CNTNAP2: variants seen among roughly 807,000 people sequenced by gnomAD.
The protein encoded by CNTNAP2 is contactin associated protein 2, also known as contactin-associated protein-like 2.
CNTNAP2 carries 98 observed loss-of-function variants against 155.2 expected under a neutral mutation model. The ratio of observed to expected loss-of-function variants is 0.63; its 90% confidence interval spans 0.54 to 0.75. The LOEUF (loss-of-function observed/expected upper bound fraction) is 0.75, where lower values mean the gene tolerates loss of function less well. Among genes scored for constraint, CNTNAP2 ranks in the 30% least tolerant of loss-of-function variants. The probability of loss-of-function intolerance (pLI) is 0.00; values close to 1 mark genes in which losing one functional copy is unlikely to be tolerated. For missense variants in CNTNAP2, 1,727 were observed against 1,688.1 expected, an observed-to-expected ratio of 1.02 and a Z score of -0.40; for synonymous variants, 651 against 631.2, an observed-to-expected ratio of 1.03 and a Z score of -0.47.
At chr7:146,908,931 G>T (rs938374141) in intron 3 of CNTNAP2, among the ~76,000 whole-genome samples, 2 of 148,666 alleles carry the variant, frequency 1.3e-5, no homozygotes, top group African/African-American at 5.0e-5. Flanking sequence ...AAAAAAGAGA[G>T]AAGAATCAAA....
intron 1 of CNTNAP2, among the ~76,000 whole-genome samples, chr7:146,735,723 A>ATATATACATATGCATATATAT (rs1563209930): frequency 2.0e-5 from 3 of 152,158 alleles, no homozygotes; most frequent in African/African-American, 7.2e-5. Context: ...ATATATGTGT[A>ATATATACATATGCATATATAT]GAGAATAGAA....
chr7:148,262,206 T>A (rs2116832880), intron 20 of CNTNAP2, among the ~76,000 whole-genome samples: 1 of 152,190 alleles, frequency 6.6e-6, no homozygotes, highest in East Asian at 1.9e-4. Context: ...CAGGGCTAAT[T>A]CAGTTATTGG....
chr7:146,881,091 C>G (rs534852338), intron 3 of CNTNAP2, among the ~76,000 whole-genome samples: 4 of 152,058 alleles, frequency 2.6e-5, no homozygotes, highest in African/African-American at 9.7e-5. Context: ...TTTTAAAAAT[C>G]CTTCCAGAAT....
At chr7:146,148,969 G>A (rs1466730208) in intron 1 of CNTNAP2, among the ~76,000 whole-genome samples, 2 of 151,146 alleles carry the variant, frequency 1.3e-5, no homozygotes, top group Non-Finnish European at 2.9e-5. Flanking sequence ...CTCCACTGGG[G>A]GAATTGAACA....
chr7:146,770,030 G>T (rs1247009819), intron 1 of CNTNAP2, among the ~76,000 whole-genome samples: 2 of 151,682 alleles, frequency 1.3e-5, no homozygotes, highest in Non-Finnish European at 2.9e-5. Flanking sequence ...ACATATTCAG[G>T]GTCACACGTT....
chr7:147,802,872 G>A (rs1304964199), intron 13 of CNTNAP2, among the ~76,000 whole-genome samples: 1 of 151,626 alleles, frequency 6.6e-6, no homozygotes, highest in Non-Finnish European at 1.5e-5. Flanking sequence ...AAGGTAACGT[G>A]TAGGTTAATT....
chr7:146,189,848 T>TA (rs1798676610), intron 1 of CNTNAP2, among the ~76,000 whole-genome samples: 1 of 152,194 alleles, frequency 6.6e-6, no homozygotes, highest in Non-Finnish European at 1.5e-5. Flanking sequence ...GAAAGTAACT[T>TA]ACAGCTGTTT....
intron 1 of CNTNAP2, among the ~76,000 whole-genome samples, chr7:146,439,783 C>T (rs190650627): frequency 6.6e-6 from 1 of 151,400 alleles, no homozygotes; most frequent in African/African-American, 2.5e-5. Flanking sequence ...ACATTGTATG[C>T]AAAATTAGCA....
At chr7:147,904,971 C>T (rs1010182682) in intron 14 of CNTNAP2, among the ~76,000 whole-genome samples, 19 of 151,960 alleles carry the variant, frequency 1.3e-4, no homozygotes, top group African/African-American at 4.1e-4. Context: ...GTTAAAAGGG[C>T]ATGGTCTTTG....
intron 12 of CNTNAP2, among the ~76,000 whole-genome samples, chr7:147,596,929 A>G (rs922383644): frequency 6.6e-6 from 1 of 152,164 alleles, no homozygotes; most frequent in Non-Finnish European, 1.5e-5. Context: ...AGTCATGACA[A>G]TTTACAAATG....
chr7:148,093,036 A>G (rs963867427), intron 15 of CNTNAP2, among the ~76,000 whole-genome samples: 9 of 152,110 alleles, frequency 5.9e-5, no homozygotes, highest in African/African-American at 2.2e-4. Flanking sequence ...ATAAAAGAAA[A>G]TGATGCTCCT....
At chr7:148,334,119 C>T (rs2116568095) in intron 21 of CNTNAP2, among the ~76,000 whole-genome samples, 1 of 152,320 alleles carries the variant, frequency 6.6e-6, no homozygotes, top group Admixed American at 6.5e-5. Context: ...ACATCCCCAT[C>T]CTAATGAATG....
chr7:147,877,436 A>G (rs1340294515), intron 13 of CNTNAP2, among the ~76,000 whole-genome samples: 1 of 152,220 alleles, frequency 6.6e-6, no homozygotes, highest in African/African-American at 2.4e-5. Context: ...AAAGTAATGG[A>G]AAAGAACATA....
chr7:148,167,078 C>T (rs573601906), intron 17 of CNTNAP2, among the ~76,000 whole-genome samples: 20 of 152,104 alleles, frequency 1.3e-4, no homozygotes, highest in African/African-American at 4.6e-4. Context: ...CTTTATAGAG[C>T]GAGAAATGGC....
Position 146,817,338 on chromosome 7 carries a change from G to A in CNTNAP2, c.209-22373G>A, listed in dbSNP as rs557409897. Reference sequence around the variant, plus strand: ...AAAACAAAAAATTAGCCAGGTTGGTGGCACATGCCTGTAATCCCAGCTACT... The same window carrying A: ...AAAACAAAAAATTAGCCAGGTTGGTAGCACATGCCTGTAATCCCAGCTACT... On this transcript the variant is annotated intron_variant, in intron 2 of 23. Coordinates refer to ENST00000361727, the MANE Select transcript of CNTNAP2 (RefSeq NM_014141.6). Among the ~76,000 whole-genome samples, 3 of 152,086 alleles carry A rather than the reference G, an allele frequency of 2.0e-5. No individual in the cohort carries two copies. The South Asian group carries it at 6.2e-4, about 32-fold the overall frequency.
At chr7:146,932,882 G>C (rs1228677998) in intron 3 of CNTNAP2, among the ~76,000 whole-genome samples, 4 of 152,116 alleles carry the variant, frequency 2.6e-5, no homozygotes, top group Admixed American at 1.3e-4. Context: ...ACTCACAAGG[G>C]ATGTGAAGGA....
intron 21 of CNTNAP2, among the ~76,000 whole-genome samples, chr7:148,295,973 T>C (rs186190365): frequency 5.6e-4 from 86 of 152,272 alleles, no homozygotes; most frequent in African/African-American, 2.0e-3. Context: ...GTGACATATA[T>C]ACATGCAAAA....
At chr7:147,880,274 A>G (rs1040459776) in intron 13 of CNTNAP2, among the ~76,000 whole-genome samples, 15 of 152,200 alleles carry the variant, frequency 9.9e-5, no homozygotes, top group African/African-American at 2.9e-4. Flanking sequence ...AGTTTTGTGT[A>G]TGACAATTCC....
intron 9 of CNTNAP2, among the ~76,000 whole-genome samples, chr7:147,365,260 C>T (rs373395373): frequency 4.0e-5 from 6 of 151,384 alleles, no homozygotes; most frequent in African/African-American, 1.5e-4. Flanking sequence ...AGAAATTAGC[C>T]AGGTGTGGTG....
Sources: allele counts gnomAD v4.1 joint callset (sites outside exome capture counted in the v4.1 genomes callset), GRCh38; gene constraint gnomAD v4.1.1; transcripts MANE v1.5; gene names NCBI Gene and HGNC (gene_info 2026-07-23, HGNC 2026-07-21).